The following SOX6 variants were observed in gnomAD, a reference collection of about 807,000 sequenced individuals.
The protein encoded by SOX6 is transcription factor SOX-6.
A neutral mutation model predicts 97.8 loss-of-function variants in SOX6; 11 were observed. The observed-to-expected ratio is 0.11, with a 90% CI of 0.07 to 0.19. SOX6 has a LOEUF of 0.19. Among genes scored for constraint, SOX6 ranks in the 10% least tolerant of loss-of-function variants. SOX6 has a pLI of 1.00. For missense variants in SOX6, 810 were observed against 1,039.5 expected (o/e 0.78, Z 3.04); for synonymous variants, 360 against 371.4 (o/e 0.97, Z 0.35).
At chr11:16,382,461 G>A (rs946247963) in intron 1 of SOX6, 1 of 151,844 alleles carries the variant, frequency 6.6e-6, no homozygotes, top group Non-Finnish European at 1.5e-5. Context: ...ACAGAGGGAG[G>A]GAGAATAATT....
chr11:16,278,275 C>T (rs2134238858), intron 3 of SOX6, among the ~76,000 whole-genome samples: 1 of 152,082 alleles, frequency 6.6e-6, no homozygotes, highest in African/African-American at 2.4e-5. Flanking sequence ...AATAAAAGAT[C>T]CCAAATGAAA....
chr11:16,112,505 G>T (rs148619713), intron 6 of SOX6, among the ~76,000 whole-genome samples: 1 of 152,042 alleles, frequency 6.6e-6, no homozygotes, highest in South Asian at 2.1e-4. Context: ...TACACACCTC[G>T]ATGTAACATA....
At chr11:16,078,833 C>T (rs960113011) in intron 9 of SOX6, among the ~76,000 whole-genome samples, 1 of 151,940 alleles carries the variant, frequency 6.6e-6, no homozygotes, top group Non-Finnish European at 1.5e-5. Flanking sequence ...AGGACAGCAT[C>T]CAAGCAGAGG....
intron 15 of SOX6, among the ~76,000 whole-genome samples, chr11:15,978,328 C>T (rs1590103743): frequency 6.6e-6 from 1 of 152,022 alleles, no homozygotes; most frequent in Non-Finnish European, 1.5e-5. Flanking sequence ...TGAAACAGAG[C>T]TTATGAAGGT....
At chr11:16,282,587 A>G (rs1024528477) in intron 3 of SOX6, among the ~76,000 whole-genome samples, 1 of 151,562 alleles carries the variant, frequency 6.6e-6, no homozygotes, top group Non-Finnish European at 1.5e-5. Flanking sequence ...ATGGTGGTTA[A>G]AAAAACACAT....
chr11:16,531,215 T>C (rs1861231462), intron 4 of SOX6, among the ~76,000 whole-genome samples: 1 of 150,984 alleles, frequency 6.6e-6, no homozygotes, highest in East Asian at 1.9e-4. Context: ...TATGAGGATT[T>C]TCAAGACAAC....
intron 1 of SOX6, among the ~76,000 whole-genome samples, chr11:16,446,192 T>A (rs1859607306): frequency 6.6e-6 from 1 of 151,440 alleles, no homozygotes; most frequent in African/African-American, 2.4e-5. Context: ...GGGTTGCATG[T>A]AAGAATGCAA....
At chr11:16,017,744 C>G (rs1020847173) in intron 12 of SOX6, among the ~76,000 whole-genome samples, 1 of 152,078 alleles carries the variant, frequency 6.6e-6, no homozygotes, top group East Asian at 1.9e-4. Flanking sequence ...CATTAAGCAT[C>G]CATGAGCATG....
intron 9 of SOX6, among the ~76,000 whole-genome samples, chr11:16,077,937 C>CAA (rs377358805): frequency 6.1e-5 from 9 of 148,508 alleles, no homozygotes; most frequent in African/African-American, 1.7e-4. Context: ...ACAAACTTGC[C>CAA]AAAAAAAAAG....
chr11:16,509,190 TTTATATATTTATACC>T (rs1860837640), intron 4 of SOX6, among the ~76,000 whole-genome samples: 1 of 151,982 alleles, frequency 6.6e-6, no homozygotes, highest in East Asian at 1.9e-4. Flanking sequence ...TTTAATTGAA[TTTATATATTTATACC>T]ATATATATTC....
chr11:16,253,433 A>G (rs1853578724), intron 3 of SOX6, among the ~76,000 whole-genome samples: 1 of 152,162 alleles, frequency 6.6e-6, no homozygotes. Flanking sequence ...ATTGGACCAA[A>G]TTTTTAAAAT....
chr11:16,063,158 C>T (rs1020831909), intron 9 of SOX6, among the ~76,000 whole-genome samples: 1 of 148,966 alleles, frequency 6.7e-6, no homozygotes, highest in African/African-American at 2.5e-5. Flanking sequence ...CAAATAAATA[C>T]TTCTAACAGT....
intron 4 of SOX6, among the ~76,000 whole-genome samples, chr11:16,591,867 A>G (rs1380890592): frequency 6.6e-6 from 1 of 152,110 alleles, no homozygotes; most frequent in Admixed American, 6.6e-5. Flanking sequence ...TCTTTCTGAG[A>G]TATCATTTTC....
intron 3 of SOX6, among the ~76,000 whole-genome samples, chr11:16,639,024 G>T (rs1590027942): frequency 6.6e-6 from 1 of 152,136 alleles, no homozygotes; most frequent in East Asian, 1.9e-4. Context: ...TATTGCCTAC[G>T]TTTTCTTCTA....
At chr11:16,677,207 C>G (rs923439154) in intron 3 of SOX6, among the ~76,000 whole-genome samples, 2 of 152,068 alleles carry the variant, frequency 1.3e-5, no homozygotes, top group Non-Finnish European at 2.9e-5. Flanking sequence ...GTCAAAGCCA[C>G]AGTTCTTTGG....
chr11:16,652,594 C>T (rs962574967), intron 3 of SOX6, among the ~76,000 whole-genome samples: 5 of 152,128 alleles, frequency 3.3e-5, no homozygotes, highest in African/African-American at 4.8e-5. Context: ...TCATCACTCA[C>T]CTTATACAAA....
At chr11:16,492,286 A>C (rs974393303) in intron 4 of SOX6, among the ~76,000 whole-genome samples, 4 of 152,226 alleles carry the variant, frequency 2.6e-5, no homozygotes, top group African/African-American at 9.6e-5. Flanking sequence ...TCCCTGGACC[A>C]GTTCTGATTT....
chr11:16,103,730 T>G (rs1327975949), intron 7 of SOX6, among the ~76,000 whole-genome samples: 1 of 151,970 alleles, frequency 6.6e-6, no homozygotes, highest in Non-Finnish European at 1.5e-5. Context: ...CACAGCAACC[T>G]GGTTGGAATT....
intron 2 of SOX6, among the ~76,000 whole-genome samples, chr11:16,735,824 A>AT (rs921485235): frequency 1.7e-4 from 25 of 148,216 alleles, no homozygotes; most frequent in South Asian, 6.4e-4. Context: ...GGCCCTAGGA[A>AT]TTTTTTTTTT....
Sources: gnomAD v4.1 joint callset for allele counts (sites outside exome capture counted in the v4.1 genomes callset) on GRCh38, gnomAD v4.1.1 for gene constraint, MANE v1.5 for transcripts, NCBI Gene and HGNC (gene_info 2026-07-23, HGNC 2026-07-21) for gene names.